The following CASD1 variants were observed in gnomAD, a reference collection of about 807,000 sequenced individuals.
CASD1 encodes the protein N-acetylneuraminate (7)9-O-acetyltransferase.
Under a neutral mutation model 100.0 loss-of-function variants are expected in CASD1, and 41 were observed. The observed-to-expected ratio is 0.41, with a 90% CI of 0.32 to 0.53. The LOEUF (loss-of-function observed/expected upper bound fraction) is 0.53. Ranked by LOEUF, CASD1 falls within the 20% of genes least tolerant of loss-of-function variation. The probability of loss-of-function intolerance (pLI) is 0.25; values close to 1 mark genes in which losing one functional copy is unlikely to be tolerated. For synonymous variants in CASD1, 321 were observed against 315.6 expected, an observed-to-expected ratio of 1.02 and a Z score of -0.18; for missense variants, 774 against 948.7, an observed-to-expected ratio of 0.82 and a Z score of 2.42.
At chr7:94,624,430 T>C in the CASD1 span, 4 of 386,426 alleles carry the variant, frequency 1.0e-5, no homozygotes, top group Non-Finnish European at 1.8e-5. Context: ...TTTAACAATG[T>C]TTAAAAGGTA....
At chr7:94,564,286 G>A in the CASD1 span, among the ~76,000 whole-genome samples, 2 of 152,170 alleles carry the variant, frequency 1.3e-5, no homozygotes, top group African/African-American at 4.8e-5. Context: ...TTGTTGTAGT[G>A]TACTGATATT....
chr7:94,529,734 C>T (rs144264751), intron 5 of CASD1, among the ~76,000 whole-genome samples: 63 of 152,060 alleles, frequency 4.1e-4, no homozygotes, highest in African/African-American at 1.4e-3. Flanking sequence ...TGATGAATAA[C>T]GACATAAGAA....
chr7:94,530,388 G>A (rs1223132779), intron 5 of CASD1, among the ~76,000 whole-genome samples: 1 of 152,082 alleles, frequency 6.6e-6, no homozygotes, highest in East Asian at 1.9e-4. Flanking sequence ...CACGTGCTTC[G>A]TTTTACAGGG....
chr7:94,629,803 C>T, the CASD1 span: 3 of 1,611,016 alleles, frequency 1.9e-6, no homozygotes, highest in East Asian at 2.2e-5. Context: ...GATGGGTATA[C>T]ATTCCGATCG....
At chr7:94,581,400 C>CATGTGCAGG in the CASD1 span, among the ~76,000 whole-genome samples, 85 of 152,118 alleles carry the variant, frequency 5.6e-4, 2 homozygotes, top group Non-Finnish European at 1.2e-4. Flanking sequence ...CTCAGGGTTA[C>CATGTGCAGG]ATGTGCAGGA....
the CASD1 span, among the ~76,000 whole-genome samples, chr7:94,585,957 G>A: frequency 6.5e-3 from 958 of 148,080 alleles, 7 homozygotes; most frequent in African/African-American, 0.023. Context: ...GCTTTTAACT[G>A]CTCTATTATC....
At chr7:94,570,738 A>G in the CASD1 span, among the ~76,000 whole-genome samples, 1 of 152,104 alleles carries the variant, frequency 6.6e-6, no homozygotes, top group African/African-American at 2.4e-5. Context: ...CAGGTGATCC[A>G]ACCACCTTGG....
intron 10 of CASD1, among the ~76,000 whole-genome samples, chr7:94,543,794 G>C (rs1200248567): frequency 6.6e-6 from 1 of 152,044 alleles, no homozygotes; most frequent in Non-Finnish European, 1.5e-5. Context: ...AACATTTTTT[G>C]GTGCCTCCTA....
the CASD1 span, among the ~76,000 whole-genome samples, chr7:94,592,101 T>C: frequency 6.6e-6 from 1 of 152,340 alleles, no homozygotes; most frequent in South Asian, 2.1e-4. Context: ...GTCTCCAAGA[T>C]GTGTGCACAT....
At chr7:94,591,622 GC>G in the CASD1 span, among the ~76,000 whole-genome samples, 12 of 151,938 alleles carry the variant, frequency 7.9e-5, no homozygotes, top group African/African-American at 2.9e-4. Flanking sequence ...GTAGTTGGAT[GC>G]CCCCCACTTC....
Position 94,551,328 on chromosome 7 carries a change from T to C in CASD1, c.1816-10T>C. The C allele has an allele frequency of 2.0e-6, 3 of 1,533,800 alleles. No individual in the cohort carries two copies. Among genetic ancestry groups the C allele is most frequent in the Non-Finnish European group, 2.6e-6 (3 of 1,150,626 alleles). Reference sequence around the variant, plus strand: ...CTGTTTAAAACAAATTTTCTCTCTTTACTTTTCAGGTAGTTTTCCACGGAA... The same window carrying C: ...CTGTTTAAAACAAATTTTCTCTCTTCACTTTTCAGGTAGTTTTCCACGGAA... On this transcript the variant is annotated splice_polypyrimidine_tract_variant and intron_variant, in intron 14 of 17. Coordinates refer to ENST00000297273, the MANE Select transcript of CASD1 (RefSeq NM_022900.5).
At position 94,537,517 on chromosome 7, in the gene CASD1, C is replaced by A. The variant is rs1267352018; in HGVS notation, c.889C>A (p.Pro297Thr). 6.2e-7 allele frequency: 1 copy of A among 1,612,312 alleles called. No individual in the cohort carries two copies. Among genetic ancestry groups the A allele is most frequent in the Non-Finnish European group, 8.5e-7 (1 of 1,179,504 alleles). ...TGTGTATTGCAATAAGATTTTGAAG[C>A]CTGTAGATGGGTCCTGTTGTCAACC... ...MNVYCNKILKPVDGSCCQPRP... is the reference protein window; with the variant it reads ...MNVYCNKILKTVDGSCCQPRP... Residue 297 changes from proline to threonine, a missense_variant, in exon 9 of 18, where the codon CCT becomes ACT. Transcript: ENST00000297273.
chr7:94,559,376 T>A (rs929629648), downstream of CASD1, among the ~76,000 whole-genome samples: 2 of 151,788 alleles, frequency 1.3e-5, no homozygotes, highest in African/African-American at 4.8e-5. Flanking sequence ...TACGCAGACA[T>A]TTATGTTCAA....
chr7:94,588,601 A>G, the CASD1 span: 58 of 1,553,316 alleles, frequency 3.7e-5, no homozygotes, highest in Admixed American at 9.9e-4. Flanking sequence ...TGGTGAAGAT[A>G]AAGCTTCATA....
the CASD1 span, chr7:94,588,148 A>C: frequency 8.9e-7 from 1 of 1,127,358 alleles, no homozygotes; most frequent in South Asian, 3.3e-5. Flanking sequence ...AGAAATAAAG[A>C]AAGCAAGTCT....
At chr7:94,522,108 A>G (rs1011997075) in intron 3 of CASD1, among the ~76,000 whole-genome samples, 2 of 152,162 alleles carry the variant, frequency 1.3e-5, no homozygotes, top group African/African-American at 4.8e-5. Flanking sequence ...TAAGATGGTA[A>G]AAACATTTAT....
Position 94,545,637 on chromosome 7 carries a change from A to G in CASD1, c.1569A>G (p.Val523=), listed in dbSNP as rs1029796304. The G allele has an allele frequency of 5.6e-6, 9 of 1,611,400 alleles. No homozygotes were observed. The highest frequency in any genetic ancestry group is 1.3e-5 in the African/African-American group (1 of 74,854). The change falls in exon 12 of 18, where the codon GTA becomes GTG. Residue 523 remains valine (V), a synonymous_variant. Transcript: ENST00000297273. Reference sequence around the variant, plus strand: ...ATTACTTTGTCCCCTTGGTCACTGTATGGTTCATGGTCATATATGTTACTT... The same window carrying G: ...ATTACTTTGTCCCCTTGGTCACTGTGTGGTTCATGGTCATATATGTTACTT... ...QFYYFVPLVT[V]WFMVIYVTLA... is the part of the protein sequence containing the mutation.
In CASD1 at chr7:94,552,238, G is replaced by A. The variant is rs1466548211; in HGVS notation, c.1957-112G>A. On this transcript the variant is annotated intron_variant, in intron 15 of 17. Coordinates refer to ENST00000297273, the MANE Select transcript of CASD1 (RefSeq NM_022900.5). ...AGTTTTTACTGATAGTTTTTACATA[G>A]CATAATGAAGTATAATGTTATAAAT... 45 of 722,824 alleles carry A rather than the reference G, an allele frequency of 6.2e-5. 3 individuals carry two copies. In the South Asian group the frequency reaches 7.2e-4, roughly 12 times the overall value. The allele number at this position is 722,824 out of a possible 1,614,324, so 44.8% of individuals were successfully genotyped here.
At chr7:94,561,079 C>G (rs9641138), downstream of CASD1, among the ~76,000 whole-genome samples, 13,513 of 152,116 alleles carry the variant, frequency 0.089, 694 homozygotes, top group East Asian at 0.16. Context: ...AACCCCATCT[C>G]TACTAAAAAT....
Sources: allele counts gnomAD v4.1 joint callset (sites outside exome capture counted in the v4.1 genomes callset), GRCh38; gene constraint gnomAD v4.1.1; transcripts MANE v1.5; gene names NCBI Gene and HGNC (gene_info 2026-07-23, HGNC 2026-07-21).